The following PCDHA7 variants were observed in gnomAD, a reference collection of about 807,000 sequenced individuals.
PCDHA7 encodes protocadherin alpha-7.
A neutral mutation model predicts 57.2 loss-of-function variants in PCDHA7; 37 were observed. The ratio of observed to expected loss-of-function variants is 0.65; its 90% CI spans 0.50 to 0.85. The LOEUF (loss-of-function observed/expected upper bound fraction) is 0.85. PCDHA7 is among the 40% of genes least tolerant of loss of function. PCDHA7 has a pLI of 0.00. For synonymous variants in PCDHA7, 553 were observed against 558.8 expected (o/e 0.99, Z 0.15); for missense variants, 1,188 against 1,241.8 (o/e 0.96, Z 0.65).
rs1364522984 is a variant in PCDHA7 at position 140,856,543 on chromosome 5, A to G, written c.2355+19805A>G. 5.0e-6 allele frequency: 8 copies of G among 1,598,190 alleles called. No homozygotes were observed. In the African/African-American group the frequency reaches 6.7e-5, roughly 13 times the overall value. The stretch of plus-strand genomic sequence containing the variant: ...CTGATGCGGATGTTGGAGAGAACGC[A>G]TTGCTTACTTACAAACTCAGTCCAA... On this transcript the variant is annotated intron_variant, in intron 1 of 3. Transcript: ENST00000525929.
intron 1 of PCDHA7, chr5:140,926,797 T>G: frequency 2.1e-6 from 3 of 1,450,476 alleles, no homozygotes; most frequent in Non-Finnish European, 1.8e-6. Flanking sequence ...AGGAGCGTGC[T>G]CTTCCCCGCG....
At chr5:140,961,193 G>C (rs1297758288) in intron 1 of PCDHA7, among the ~76,000 whole-genome samples, 1 of 152,124 alleles carries the variant, frequency 6.6e-6, no homozygotes, top group Non-Finnish European at 1.5e-5. Context: ...CAGGACCCTA[G>C]TGAGGTTGGT....
At chr5:140,867,198 C>A (rs1286853388) in intron 1 of PCDHA7, 1 of 152,110 alleles carries the variant, frequency 6.6e-6, no homozygotes, top group East Asian at 1.9e-4. Flanking sequence ...ACTCCACATT[C>A]CATGTAACAT....
intron 1 of PCDHA7, among the ~76,000 whole-genome samples, chr5:140,948,234 T>G (rs1011132417): frequency 6.6e-6 from 1 of 151,670 alleles, no homozygotes; most frequent in African/African-American, 2.4e-5. Flanking sequence ...TTAACTTGTA[T>G]TTTAGTAAAT....
chr5:140,859,471 T>TAG, intron 1 of PCDHA7: 1 of 211,266 alleles, frequency 4.7e-6, no homozygotes, highest in Non-Finnish European at 9.2e-6. Context: ...ACACTATCAA[T>TAG]TGTGTTTTCC....
At chr5:140,859,469 A>G in intron 1 of PCDHA7, 1 of 211,582 alleles carries the variant, frequency 4.7e-6, no homozygotes, top group Non-Finnish European at 9.2e-6. Context: ...CTACACTATC[A>G]ATTGTGTTTT....
chr5:140,848,619 G>A (rs2150415128), intron 1 of PCDHA7: 2 of 1,593,396 alleles, frequency 1.3e-6, no homozygotes, highest in Admixed American at 1.7e-5. Context: ...AGCCGAACAC[G>A]GCACCTTCGT....
At chr5:140,838,664 G>C (rs950566042) in intron 1 of PCDHA7, among the ~76,000 whole-genome samples, 1 of 152,010 alleles carries the variant, frequency 6.6e-6, no homozygotes, top group Non-Finnish European at 1.5e-5. Flanking sequence ...AACGGGGCAT[G>C]GTGGCACACA....
intron 1 of PCDHA7, chr5:140,862,950 G>A (rs559605019): frequency 1.1e-4 from 59 of 541,460 alleles, no homozygotes; most frequent in Non-Finnish European, 2.1e-4. Flanking sequence ...GAGCTGGTGC[G>A]GTATTCAGTG....
chr5:141,000,421 A>ATTTTTTTT (rs34755515), intron 3 of PCDHA7, among the ~76,000 whole-genome samples: 2 of 27,968 alleles, frequency 7.2e-5, no homozygotes, highest in Admixed American at 6.5e-4. Context: ...ATATATATAT[A>ATTTTTTTT]TTTTTTTTTT....
intron 1 of PCDHA7, chr5:140,929,151 T>C: frequency 6.2e-7 from 1 of 1,614,202 alleles, no homozygotes; most frequent in East Asian, 2.2e-5. Context: ...TTTCTCAGAC[T>C]TATCTCTATC....
intron 1 of PCDHA7, among the ~76,000 whole-genome samples, chr5:140,962,596 T>C (rs2095694957): frequency 6.6e-6 from 1 of 152,218 alleles, no homozygotes; most frequent in South Asian, 2.1e-4. Flanking sequence ...TTGACTGATA[T>C]ATTTCTTCTG....
At chr5:140,871,624 A>G in intron 1 of PCDHA7, 1 of 1,409,596 alleles carries the variant, frequency 7.1e-7, no homozygotes, top group African/African-American at 1.4e-5. Context: ...TTTAGATAAC[A>G]ATGTCTGTTC....
chr5:140,906,962 C>T (rs1554192812), intron 1 of PCDHA7, among the ~76,000 whole-genome samples: 2 of 152,146 alleles, frequency 1.3e-5, no homozygotes, highest in South Asian at 4.1e-4. Context: ...TTAATGGAAT[C>T]GTGGTTGTGT....
intron 1 of PCDHA7, chr5:140,850,066 A>G (rs1554143711): frequency 6.3e-7 from 1 of 1,596,292 alleles, no homozygotes; most frequent in African/African-American, 1.3e-5. Flanking sequence ...CAGCCGTTGG[A>G]CCACGAGGAG....
chr5:140,903,275 T>A (rs1313552617), intron 1 of PCDHA7, among the ~76,000 whole-genome samples: 1 of 152,210 alleles, frequency 6.6e-6, no homozygotes, highest in East Asian at 1.9e-4. Flanking sequence ...TGAGGTAGTG[T>A]CTCATTGTGC....
intron 1 of PCDHA7, among the ~76,000 whole-genome samples, chr5:140,939,880 G>T (rs2092484713): frequency 6.6e-6 from 1 of 152,140 alleles, no homozygotes; most frequent in African/African-American, 2.4e-5. Context: ...TTTGCTAGTT[G>T]TGTTGTTCAA....
At chr5:140,837,793 C>T (rs1775259985) in intron 1 of PCDHA7, among the ~76,000 whole-genome samples, 1 of 151,820 alleles carries the variant, frequency 6.6e-6, no homozygotes, top group Admixed American at 6.6e-5. Flanking sequence ...CCTCCCATCT[C>T]AGCCTCTGGA....
intron 1 of PCDHA7, among the ~76,000 whole-genome samples, chr5:140,898,839 A>C (rs2066999324): frequency 6.6e-6 from 1 of 152,280 alleles, no homozygotes; most frequent in East Asian, 1.9e-4. Flanking sequence ...ATGTTCTTCC[A>C]TTTCTTTGTA....
Sources: allele counts gnomAD v4.1 joint callset (sites outside exome capture counted in the v4.1 genomes callset), GRCh38; gene constraint gnomAD v4.1.1; transcripts MANE v1.5; gene names NCBI Gene and HGNC (gene_info 2026-07-23, HGNC 2026-07-21).